Variants in PGR observed in about 807,000 individuals in gnomAD.
PGR encodes nuclear receptor subfamily 3 group C member 3.
In PGR, 25 loss-of-function variants were observed where a neutral mutation model predicts 76.1. The observed-to-expected ratio is 0.33, with a 90% CI of 0.24 to 0.46. The LOEUF (loss-of-function observed/expected upper bound fraction) is 0.46. Among genes scored for constraint, PGR ranks in the 20% least tolerant of loss-of-function variants. The pLI is 1.00. For synonymous variants in PGR, 579 were observed against 535.0 expected, an observed-to-expected ratio of 1.08 and a Z score of -1.14; for missense variants, 1,172 against 1,225.3, an observed-to-expected ratio of 0.96 and a Z score of 0.65.
chr11:101,060,188 T>C (rs2124762), intron 4 of PGR, among the ~76,000 whole-genome samples: 2 of 152,152 alleles, frequency 1.3e-5, no homozygotes, highest in Non-Finnish European at 2.9e-5. Flanking sequence ...ATTGTGTGTG[T>C]GTGCGTGTGT....
At chr11:101,127,346 G>A in intron 1 of PGR, 88 bp downstream of exon 1, 4 of 1,012,724 alleles carry the variant, frequency 3.9e-6, no homozygotes, top group Non-Finnish European at 5.4e-6. Flanking sequence ...GCGGTGCGCT[G>A]GGGCTGGGGC....
At position 101,039,170 on chromosome 11, in the gene PGR, T is replaced by C. The variant is rs767337164; in HGVS notation, c.2748A>G (p.Gln916=). 7 of 1,611,814 alleles carry C rather than the reference T, an allele frequency of 4.3e-6. No individual in the cohort carries two copies. The highest frequency in any genetic ancestry group is 3.4e-6 in the Non-Finnish European group (4 of 1,178,350). ...PEMMSEVIAA[Q]LPKILAGMVK... is the part of the protein sequence containing the mutation. ...CCATCCCTGCCAATATCTTGGGTAA[T>C]TGTGCAGCAATAACTTCAGACATCA... Residue 916 remains glutamine, a synonymous_variant, in exon 8 of 8, where the codon CAA becomes CAG. Transcript: ENST00000325455.
intron 2 of PGR, among the ~76,000 whole-genome samples, chr11:101,120,926 T>C (rs1450590129): frequency 4.6e-5 from 7 of 152,226 alleles, no homozygotes; most frequent in Non-Finnish European, 8.8e-5. Flanking sequence ...GGTATTAAAG[T>C]ACATGTTCTG....
At position 101,104,377 on chromosome 11, in the gene PGR, T is replaced by C. The variant is rs187242110; in HGVS notation, c.1790-12501A>G. On this transcript the variant is annotated intron_variant, in intron 2 of 7. Transcript: ENST00000325455. ...CACTTTCTGCAGCATGATAAAATTG[T>C]TTAATCAAAATCTTAGTTTTTCCCA... is the stretch of plus-strand genomic sequence containing the variant. Among the ~76,000 whole-genome samples, 18 of 152,302 alleles carry C rather than the reference T, an allele frequency of 1.2e-4. No homozygotes were observed. In the East Asian group the frequency reaches 3.3e-3, roughly 28 times the overall value.
intron 3 of PGR, among the ~76,000 whole-genome samples, chr11:101,067,162 T>C (rs1860751170): frequency 6.6e-6 from 1 of 152,100 alleles, no homozygotes; most frequent in African/African-American, 2.4e-5. Context: ...CACTGACAAG[T>C]TCCTCTGCAT....
intron 2 of PGR, among the ~76,000 whole-genome samples, chr11:101,122,701 G>A (rs773320639): frequency 2.2e-4 from 33 of 152,128 alleles, no homozygotes; most frequent in Non-Finnish European, 4.1e-4. Context: ...CATTTCCTGA[G>A]TGGTATCTTA....
intron 4 of PGR, 34 bp from the exon 5 acceptor site, chr11:101,051,602 A>G (rs775659660): frequency 6.8e-7 from 1 of 1,477,668 alleles, no homozygotes; most frequent in Non-Finnish European, 9.5e-7. Flanking sequence ...AGTGACCATA[A>G]AAATGACTGA....
rs1859313254 is a variant in PGR, at chr11:101,030,450, GCA to G, written c.*8664_*8665del. 8.7e-6 allele frequency: 2 copies of G among 230,650 alleles called. No individual in the cohort carries two copies. Among genetic ancestry groups the G allele is most frequent in the Non-Finnish European group, 1.7e-5 (2 of 116,552 alleles). The allele number at this position is 230,650 out of a possible 1,614,324, so 14.3% of individuals were successfully genotyped here. A position where few individuals can be genotyped will look rare whatever the true frequency, so the allele number is the denominator to read the frequency against. On this transcript the variant is annotated 3_prime_UTR_variant, in exon 8 of 8. Transcript: ENST00000325455. ...CAGCCAGTGCCAGGAGAACTGTCAGGCACACATGGATAGATGAAGAGTCTCAC... is the reference window on the plus strand; with the variant it reads ...CAGCCAGTGCCAGGAGAACTGTCAGGCACATGGATAGATGAAGAGTCTCAC...
rs1859432255 is a variant in PGR at position 101,034,021 on chromosome 11, G to C, written c.*5095C>G. ...TCCGAATATTGACCAGGACACTAATGCCACACTGCAGAGTTAATAATCTGT... is the reference window on the plus strand; with the variant it reads ...TCCGAATATTGACCAGGACACTAATCCCACACTGCAGAGTTAATAATCTGT... On this transcript the variant is annotated 3_prime_UTR_variant, in exon 8 of 8. Coordinates refer to ENST00000325455, the MANE Select transcript of PGR (RefSeq NM_000926.4). 1 of 230,622 alleles carries C rather than the reference G, an allele frequency of 4.3e-6. No individual in the cohort carries two copies. The highest frequency in any genetic ancestry group is 2.2e-5 in the African/African-American group (1 of 45,178). 14.3% of individuals were successfully genotyped at this position (230,622 alleles called of 1,614,324 possible). A position where few individuals can be genotyped will look rare whatever the true frequency, so the allele number is the denominator to read the frequency against.
intron 3 of PGR, among the ~76,000 whole-genome samples, chr11:101,077,196 C>G (rs977932664): frequency 6.6e-6 from 1 of 151,972 alleles, no homozygotes; most frequent in Non-Finnish European, 1.5e-5. Flanking sequence ...CCTTACACTA[C>G]CTATATAAAA....
At position 101,127,889 on chromosome 11, in the gene PGR, C is replaced by G. The variant is rs1423525123; in HGVS notation, c.1182G>C (p.Ala394=). Residue 394 remains alanine, a synonymous_variant, in exon 1 of 8, where the codon GCG becomes GCC. Transcript: ENST00000325455. ...AACGCGGGGAGCGCGCGGAGGCCTC[C>G]GCGCCTTCCTCCTCCTCCTTTATCT... ...ALKIKEEEEG[A]EASARSPRSY... 1.2e-6 allele frequency: 2 copies of G among 1,606,700 alleles called. No individual in the cohort carries two copies. Among genetic ancestry groups the G allele is most frequent in the Non-Finnish European group, 1.7e-6 (2 of 1,178,894 alleles).
intron 3 of PGR, among the ~76,000 whole-genome samples, chr11:101,089,465 A>C (rs1861603858): frequency 6.6e-6 from 1 of 152,098 alleles, no homozygotes; most frequent in Admixed American, 6.5e-5. Context: ...GATAATCCCC[A>C]CTAACTCTGC....
At chr11:101,078,588 G>T (rs1474194046) in intron 3 of PGR, among the ~76,000 whole-genome samples, 2 of 152,176 alleles carry the variant, frequency 1.3e-5, no homozygotes, top group East Asian at 1.9e-4. Flanking sequence ...GTGCTGTACA[G>T]CAGTGAACTA....
intron 2 of PGR, among the ~76,000 whole-genome samples, chr11:101,094,927 TTC>T (rs1278472191): frequency 2.0e-5 from 3 of 152,186 alleles, no homozygotes; most frequent in African/African-American, 7.2e-5. Context: ...TTTTTATCCT[TTC>T]TGCCATGTGA....
chr11:101,125,970 T>G (rs774065309), intron 2 of PGR, 37 bp downstream of exon 2: 1 of 1,587,618 alleles, frequency 6.3e-7, no homozygotes, highest in South Asian at 1.1e-5. Flanking sequence ...CATTTACAAT[T>G]AAACCAATAA....
chr11:101,116,558 G>A (rs554374889), intron 2 of PGR, among the ~76,000 whole-genome samples: 12 of 152,102 alleles, frequency 7.9e-5, no homozygotes, highest in Admixed American at 2.6e-4. Flanking sequence ...TGGTCAACAC[G>A]GTGAAACCCT....
intron 3 of PGR, among the ~76,000 whole-genome samples, chr11:101,076,748 T>A (rs1235307925): frequency 6.6e-6 from 1 of 151,590 alleles, no homozygotes; most frequent in Non-Finnish European, 1.5e-5. Context: ...CTATAGAGAA[T>A]GGGAGCAGGG....
At chr11:101,076,623 T>C (rs1170054349) in intron 3 of PGR, among the ~76,000 whole-genome samples, 1 of 152,000 alleles carries the variant, frequency 6.6e-6, no homozygotes, top group African/African-American at 2.4e-5. Context: ...TGGATGATGA[T>C]ACTATGAGAA....
In PGR at chr11:101,034,623, G is replaced by C. The variant is rs1378266958; in HGVS notation, c.*4493C>G. ...CACATTGATTCTAGGCCGAACTTTA[G>C]AAGTGTAGGTTCTATTAGCTCCAGC... On this transcript the variant is annotated 3_prime_UTR_variant, in exon 8 of 8. Coordinates refer to ENST00000325455, the MANE Select transcript of PGR (RefSeq NM_000926.4). The C allele has an allele frequency of 1.2e-5, 2 of 171,708 alleles. No individual in the cohort carries two copies. The highest frequency in any genetic ancestry group is 2.5e-5 in the Non-Finnish European group (2 of 79,296). The allele number at this position is 171,708 out of a possible 1,614,324, so 10.6% of individuals were successfully genotyped here.
Sources: allele counts gnomAD v4.1 joint callset (sites outside exome capture counted in the v4.1 genomes callset), GRCh38; gene constraint gnomAD v4.1.1; transcripts MANE v1.5; gene names NCBI Gene and HGNC (gene_info 2026-07-23, HGNC 2026-07-21).